Variants in SPAG16 observed in about 807,000 individuals in gnomAD.
The protein encoded by SPAG16 is sperm associated antigen 16, also known as sperm-associated antigen 16 protein.
A neutral mutation model predicts 80.4 loss-of-function variants in SPAG16; 86 were observed. The observed-to-expected ratio is 1.07, with a 90% CI of 0.90 to 1.28. The LOEUF is 1.28. Among genes scored for constraint, SPAG16 ranks in the 50% most tolerant of loss-of-function variants. The pLI is 0.00. For missense variants in SPAG16, 870 were observed against 765.3 expected (o/e 1.14, Z -1.61); for synonymous variants, 294 against 265.9 (o/e 1.11, Z -1.03).
intron 4 of SPAG16, among the ~76,000 whole-genome samples, chr2:213,313,453 A>T (rs1213854793): frequency 6.6e-6 from 1 of 151,776 alleles, no homozygotes; most frequent in African/African-American, 2.4e-5. Flanking sequence ...GCAGGTAGCC[A>T]CAGCCATATT....
chr2:213,946,409 G>A (rs540972685), intron 12 of SPAG16, among the ~76,000 whole-genome samples: 35 of 152,214 alleles, frequency 2.3e-4, no homozygotes, highest in East Asian at 1.5e-3. Flanking sequence ...CACTGTGCCC[G>A]GCCTGTTGGG....
At chr2:213,606,231 G>T (rs192954323) in intron 10 of SPAG16, among the ~76,000 whole-genome samples, 2 of 152,202 alleles carry the variant, frequency 1.3e-5, no homozygotes, top group African/African-American at 2.4e-5. Context: ...CCTAATGTTT[G>T]CTTTTTATGA....
intron 10 of SPAG16, among the ~76,000 whole-genome samples, chr2:213,756,062 C>A (rs1054709968): frequency 6.6e-6 from 1 of 152,116 alleles, no homozygotes; most frequent in Non-Finnish European, 1.5e-5. Flanking sequence ...TCTGCAGACC[C>A]CTGAGGCCAG....
chr2:214,258,493 A>G (rs1234977862), intron 15 of SPAG16, among the ~76,000 whole-genome samples: 1 of 148,508 alleles, frequency 6.7e-6, no homozygotes, highest in African/African-American at 2.5e-5. Flanking sequence ...ATATATATAC[A>G]CACACACATA....
At chr2:213,390,190 A>T (rs1226663545) in intron 9 of SPAG16, among the ~76,000 whole-genome samples, 1 of 152,194 alleles carries the variant, frequency 6.6e-6, no homozygotes, top group African/African-American at 2.4e-5. Context: ...GGTGAAAATT[A>T]TAAATACAGA....
At chr2:213,682,934 G>C (rs537159391) in intron 10 of SPAG16, among the ~76,000 whole-genome samples, 2 of 152,162 alleles carry the variant, frequency 1.3e-5, no homozygotes, top group African/African-American at 4.8e-5. Flanking sequence ...CAACTGCTTA[G>C]AAAAAAATAA....
intron 15 of SPAG16, among the ~76,000 whole-genome samples, chr2:214,382,256 A>G (rs1452268398): frequency 6.6e-6 from 1 of 152,252 alleles, no homozygotes; most frequent in African/African-American, 2.4e-5. Flanking sequence ...TTTGACTAAG[A>G]ACTAAATTCC....
chr2:214,172,026 T>A (rs890084944), intron 15 of SPAG16, among the ~76,000 whole-genome samples: 3 of 151,898 alleles, frequency 2.0e-5, no homozygotes, highest in African/African-American at 7.2e-5. Flanking sequence ...CAAAAATATC[T>A]AACATAGAAT....
In SPAG16 at chr2:213,925,946, A is replaced by G. The variant is rs189077808; in HGVS notation, c.1215-4014A>G. On this transcript the variant is annotated intron_variant, in intron 11 of 15. Coordinates refer to ENST00000331683, the MANE Select transcript of SPAG16 (RefSeq NM_024532.5). Reference sequence around the variant, plus strand: ...CAATGCTGCTCAGCAATTCACTAAAATGCATCTAAGTAAAAATTTCTTTTT... The same window carrying G: ...CAATGCTGCTCAGCAATTCACTAAAGTGCATCTAAGTAAAAATTTCTTTTT... 4.1e-3 allele frequency among the ~76,000 whole-genome samples: 621 copies of G among 152,186 alleles called. 5 individuals carry two copies. The highest frequency in any genetic ancestry group is 0.014 in the African/African-American group (589 of 41,538).
At chr2:214,210,858 T>C (rs977223316) in intron 15 of SPAG16, among the ~76,000 whole-genome samples, 30 of 151,376 alleles carry the variant, frequency 2.0e-4, no homozygotes, top group African/African-American at 7.3e-4. Flanking sequence ...CACACACACA[T>C]ATTTGTGTGT....
chr2:213,988,725 A>C (rs2046141541), intron 12 of SPAG16, among the ~76,000 whole-genome samples: 3 of 152,036 alleles, frequency 2.0e-5, no homozygotes, highest in African/African-American at 7.2e-5. Flanking sequence ...ATAAATACAC[A>C]GGTATAACTC....
At chr2:214,107,701 T>C (rs2053453181) in intron 13 of SPAG16, among the ~76,000 whole-genome samples, 1 of 152,200 alleles carries the variant, frequency 6.6e-6, no homozygotes, top group Non-Finnish European at 1.5e-5. Flanking sequence ...TGCCACTGTA[T>C]ATATTTTATA....
chr2:213,854,922 C>T (rs1051200180), intron 10 of SPAG16, among the ~76,000 whole-genome samples: 13 of 152,230 alleles, frequency 8.5e-5, no homozygotes, highest in African/African-American at 1.9e-4. Flanking sequence ...CTTAATCATT[C>T]GTTTATGTTT....
intron 10 of SPAG16, among the ~76,000 whole-genome samples, chr2:213,777,702 A>T (rs1341184611): frequency 6.6e-6 from 1 of 151,746 alleles, no homozygotes; most frequent in Non-Finnish European, 1.5e-5. Context: ...CCGCCCAACT[A>T]ATTTTTGTAT....
chr2:213,709,300 G>T (rs2065882742), intron 10 of SPAG16, among the ~76,000 whole-genome samples: 2 of 152,276 alleles, frequency 1.3e-5, no homozygotes, highest in Admixed American at 6.5e-5. Flanking sequence ...GAAAAGGAAG[G>T]TGTGAGAGTC....
intron 12 of SPAG16, among the ~76,000 whole-genome samples, chr2:213,975,659 A>G (rs903656471): frequency 5.3e-5 from 8 of 152,056 alleles, no homozygotes; most frequent in African/African-American, 1.9e-4. Flanking sequence ...TAGAAAAAAA[A>G]TGATGAATCT....
intron 10 of SPAG16, among the ~76,000 whole-genome samples, chr2:213,747,842 A>T (rs2067901080): frequency 6.6e-6 from 1 of 152,188 alleles, no homozygotes; most frequent in Non-Finnish European, 1.5e-5. Flanking sequence ...AAGATCATTT[A>T]TTTGTCTGTA....
chr2:213,577,121 A>T (rs1439173450), intron 10 of SPAG16, among the ~76,000 whole-genome samples: 1 of 152,150 alleles, frequency 6.6e-6, no homozygotes, highest in Non-Finnish European at 1.5e-5. Context: ...TCTTGTATAA[A>T]TACATAATTA....
chr2:213,874,928 T>G (rs1015017989), intron 11 of SPAG16, among the ~76,000 whole-genome samples: 20 of 152,058 alleles, frequency 1.3e-4, no homozygotes, highest in Non-Finnish European at 2.4e-4. Flanking sequence ...CCCAGTTTAT[T>G]CCTGTCATCC....
Sources: allele counts gnomAD v4.1 joint callset (sites outside exome capture counted in the v4.1 genomes callset), GRCh38; gene constraint gnomAD v4.1.1; transcripts MANE v1.5; gene names NCBI Gene and HGNC (gene_info 2026-07-23, HGNC 2026-07-21).